The following C4orf51 variants were observed in gnomAD, a reference collection of about 807,000 sequenced individuals.
C4orf51 encodes chromosome 4 open reading frame 51.
C4orf51 carries 25 observed loss-of-function variants against 25.2 expected under a neutral mutation model. That is an observed-to-expected ratio of 0.99 (90% CI 0.72 to 1.39). The LOEUF is 1.39. Ranked by LOEUF, C4orf51 falls within the 40% of genes most tolerant of loss-of-function variation. The pLI, the probability that C4orf51 is intolerant of heterozygous loss-of-function variation, is 0.00. For synonymous variants in C4orf51, 100 were observed against 84.5 expected, an observed-to-expected ratio of 1.18 and a Z score of -1.01; for missense variants, 252 against 239.6, an observed-to-expected ratio of 1.05 and a Z score of -0.34.
chr4:145,723,671 G>C (rs1731882019), intron 2 of C4orf51, among the ~76,000 whole-genome samples: 1 of 152,088 alleles, frequency 6.6e-6, no homozygotes, highest in Non-Finnish European at 1.5e-5. Flanking sequence ...AGAATTTGTT[G>C]GTAATTACAA....
At chr4:145,738,934 C>A (rs761818334) in intron 1 of C4orf51, among the ~76,000 whole-genome samples, 2 of 152,160 alleles carry the variant, frequency 1.3e-5, no homozygotes, top group Non-Finnish European at 2.9e-5. Context: ...AGCCACTGCA[C>A]CTGGCCAGCA....
chr4:145,687,003 G>T (rs931073388), intron 1 of C4orf51, among the ~76,000 whole-genome samples: 25 of 78,638 alleles, frequency 3.2e-4, no homozygotes, highest in Admixed American at 1.1e-3. Flanking sequence ...TGGATCTTGT[G>T]GGGGGGGCGG....
At chr4:145,714,702 A>G (rs1044869131) in intron 2 of C4orf51, among the ~76,000 whole-genome samples, 6 of 152,160 alleles carry the variant, frequency 3.9e-5, no homozygotes, top group Admixed American at 1.3e-4. Context: ...AGGTGGTGAC[A>G]TGTTTCCTTG....
At chr4:145,718,324 G>T (rs981184196) in intron 2 of C4orf51, among the ~76,000 whole-genome samples, 7 of 152,214 alleles carry the variant, frequency 4.6e-5, no homozygotes, top group African/African-American at 1.4e-4. Flanking sequence ...CAGCTACCTG[G>T]AAATGCTTTT....
At chr4:145,707,138 A>G (rs1209522961) in intron 2 of C4orf51, among the ~76,000 whole-genome samples, 1 of 151,914 alleles carries the variant, frequency 6.6e-6, no homozygotes, top group African/African-American at 2.4e-5. Flanking sequence ...ACGGAGTTTC[A>G]CTGTGTTAGC....
chr4:145,773,139 G>T (rs1736537967), downstream of C4orf51, among the ~76,000 whole-genome samples: 1 of 152,214 alleles, frequency 6.6e-6, no homozygotes, highest in South Asian at 2.1e-4. Context: ...AAAGCCAGTG[G>T]TAATGGAAAA....
At chr4:145,740,766 G>C (rs1315466783) in intron 1 of C4orf51, among the ~76,000 whole-genome samples, 1 of 152,160 alleles carries the variant, frequency 6.6e-6, no homozygotes, top group Non-Finnish European at 1.5e-5. Flanking sequence ...GGTCTGCAAG[G>C]CTTTGCCAGA....
intron 2 of C4orf51, among the ~76,000 whole-genome samples, chr4:145,703,714 T>C (rs1456331860): frequency 6.6e-6 from 1 of 152,244 alleles, no homozygotes; most frequent in Non-Finnish European, 1.5e-5. Flanking sequence ...CTATGTTGTC[T>C]AGGAGTTTCT....
intron 1 of C4orf51, among the ~76,000 whole-genome samples, chr4:145,751,690 G>C (rs1051393586): frequency 3.9e-5 from 6 of 152,226 alleles, no homozygotes; most frequent in African/African-American, 1.4e-4. Flanking sequence ...CGATCATCAA[G>C]TGAAGCTAGC....
chr4:145,738,466 A>G (rs1403094776), intron 1 of C4orf51, among the ~76,000 whole-genome samples: 1 of 151,128 alleles, frequency 6.6e-6, no homozygotes, highest in African/African-American at 2.4e-5. Flanking sequence ...AAACATATAT[A>G]TATATATATA....
intron 1 of C4orf51, chr4:145,764,921 G>T: frequency 6.2e-7 from 1 of 1,604,174 alleles, no homozygotes; most frequent in Non-Finnish European, 8.5e-7. Flanking sequence ...GGGAAGGGAC[G>T]GGGTAGGGAA....
intron 1 of C4orf51, among the ~76,000 whole-genome samples, chr4:145,738,853 C>A (rs1368030640): frequency 6.6e-6 from 1 of 152,094 alleles, no homozygotes; most frequent in Non-Finnish European, 1.5e-5. Flanking sequence ...GTTGCCCAGG[C>A]TGGTCTCAAA....
At chr4:145,702,298 C>T (rs1379928762) in intron 2 of C4orf51, among the ~76,000 whole-genome samples, 2 of 151,734 alleles carry the variant, frequency 1.3e-5, no homozygotes, top group Non-Finnish European at 2.9e-5. Flanking sequence ...CTCCTATCCT[C>T]AATACCTCCC....
intron 1 of C4orf51, among the ~76,000 whole-genome samples, chr4:145,681,230 T>C (rs1171455162): frequency 6.6e-6 from 1 of 152,224 alleles, no homozygotes; most frequent in Non-Finnish European, 1.5e-5. Flanking sequence ...AATTGGTAAA[T>C]ATTTTATCCA....
chr4:145,745,554 C>A (rs1733328977), intron 1 of C4orf51, among the ~76,000 whole-genome samples: 1 of 152,188 alleles, frequency 6.6e-6, no homozygotes, highest in African/African-American at 2.4e-5. Context: ...GATTGGATCT[C>A]ATTCTTCTTT....
At position 145,761,546 on chromosome 4, in the gene C4orf51, G is replaced by A. The variant is rs954140426; in HGVS notation, n.167-9442G>A. The A allele has an allele frequency of 2.3e-6, 3 of 1,285,382 alleles. No individual in the cohort carries two copies. Among genetic ancestry groups the A allele is most frequent in the Non-Finnish European group, 3.0e-6 (3 of 985,578 alleles). 79.6% of individuals were successfully genotyped at this position (1,285,382 alleles called of 1,614,324 possible). On this transcript the variant is annotated intron_variant and non_coding_transcript_variant, in intron 1 of 1. Coordinates refer to the C4orf51 transcript ENST00000510096. This position sits in a 1 kb window ranked among gnomAD's most constrained non-coding sequence, Gnocchi z 6.8. ...TACTCCATCTTGTAGTGGGTCTTGAGGTGGCACTCCATGGCAGCGGGGCGG... is the reference window on the plus strand; with the variant it reads ...TACTCCATCTTGTAGTGGGTCTTGAAGTGGCACTCCATGGCAGCGGGGCGG...
intron 1 of C4orf51, chr4:145,759,398 A>T (rs1260834467): frequency 1.3e-5 from 2 of 152,210 alleles, no homozygotes; most frequent in African/African-American, 4.8e-5. Context: ...CATTTTAATG[A>T]CCACAAAATA....
rs1734889183 is a variant in C4orf51, at chr4:145,763,925, T to C, written n.167-7063T>C. ...GTCCTGTTGTTCCCTGACTCTTCTA[T>C]GTGGGGGAGTTTTTGAGGAGGCAGG... On this transcript the variant is annotated intron_variant and non_coding_transcript_variant, in intron 1 of 1. Coordinates refer to the C4orf51 transcript ENST00000510096. The surrounding 1 kb of genome is among the most constrained non-coding windows in gnomAD (Gnocchi z 4.6). 1.3e-5 allele frequency among the ~76,000 whole-genome samples: 2 copies of C among 151,934 alleles called. No homozygotes were observed. The highest frequency in any genetic ancestry group is 2.4e-5 in the African/African-American group (1 of 41,336).
chr4:145,739,716 T>A (rs569105236), intron 1 of C4orf51, among the ~76,000 whole-genome samples: 1 of 152,358 alleles, frequency 6.6e-6, no homozygotes, highest in Non-Finnish European at 1.5e-5. Context: ...TTTCCTCTAC[T>A]TCTAATATCC....
Sources: gnomAD v4.1 joint callset for allele counts (sites outside exome capture counted in the v4.1 genomes callset) on GRCh38, gnomAD v4.1.1 for gene constraint, Gnocchi (gnomAD v3.1) non-coding constraint, MANE v1.5 for transcripts, NCBI Gene and HGNC (gene_info 2026-07-23, HGNC 2026-07-21) for gene names.